CAST: variants seen among roughly 807,000 people sequenced by gnomAD.
CAST encodes calpastatin, also known as MIR583 host.
Under a neutral mutation model 119.6 loss-of-function variants are expected in CAST, and 76 were observed. That is an observed-to-expected ratio of 0.64 (90% CI 0.53 to 0.77). The LOEUF is 0.77. Ranked by LOEUF, CAST falls within the 30% of genes least tolerant of loss-of-function variation. The pLI, the probability that CAST is intolerant of heterozygous loss-of-function variation, is 0.00. For missense variants in CAST, 953 were observed against 946.5 expected (o/e 1.01, Z -0.09); for synonymous variants, 319 against 331.6 (o/e 0.96, Z 0.41).
the CAST span, among the ~76,000 whole-genome samples, chr5:96,252,278 A>T: frequency 6.6e-6 from 1 of 152,150 alleles, no homozygotes; most frequent in Non-Finnish European, 1.5e-5. Context: ...TAGTCATTAC[A>T]CTATGTTTTC....
the CAST span, among the ~76,000 whole-genome samples, chr5:96,236,585 T>C: frequency 6.6e-6 from 1 of 152,200 alleles, no homozygotes; most frequent in Non-Finnish European, 1.5e-5. Flanking sequence ...AAGGAATGAA[T>C]GAAAGACTAT....
chr5:96,354,961 A>G, the CAST span, among the ~76,000 whole-genome samples: 4 of 152,024 alleles, frequency 2.6e-5, no homozygotes, highest in East Asian at 3.8e-4. Context: ...TGGTCAGTAC[A>G]GATTTCAAAA....
chr5:96,667,475 A>T (rs73774360), intron 1 of CAST, among the ~76,000 whole-genome samples: 3,541 of 152,270 alleles, frequency 0.023, 142 homozygotes, highest in African/African-American at 0.081. Flanking sequence ...ACTTAAGAAA[A>T]ACTCATCCAG....
At chr5:96,718,970 T>A (rs564948194) in intron 3 of CAST, among the ~76,000 whole-genome samples, 1 of 152,180 alleles carries the variant, frequency 6.6e-6, no homozygotes, top group East Asian at 1.9e-4. Context: ...GCTGAATGGC[T>A]GGAGGGGAGG....
chr5:96,667,729 T>C (rs1370163705), intron 1 of CAST, among the ~76,000 whole-genome samples: 1 of 11,630 alleles, frequency 8.6e-5, no homozygotes, highest in African/African-American at 3.9e-4. Flanking sequence ...AAGAGTATAA[T>C]GAGGCTGGGT....
At chr5:96,499,912 C>T in the CAST span, among the ~76,000 whole-genome samples, 1 of 152,148 alleles carries the variant, frequency 6.6e-6, no homozygotes, top group African/African-American at 2.4e-5. Flanking sequence ...GTGAGTCTTC[C>T]TTTCACTTGA....
chr5:96,164,907 C>T, the CAST span, among the ~76,000 whole-genome samples: 1 of 151,832 alleles, frequency 6.6e-6, no homozygotes, highest in Non-Finnish European at 1.5e-5. Flanking sequence ...TCGTGCAGAG[C>T]CTGGCATGGG....
chr5:96,628,719 T>C (rs1471310915), intron 1 of CAST, among the ~76,000 whole-genome samples: 1 of 152,220 alleles, frequency 6.6e-6, no homozygotes, highest in Admixed American at 6.5e-5. Context: ...GTCACAGATA[T>C]GTGGCTTTTG....
the CAST span, among the ~76,000 whole-genome samples, chr5:96,271,829 G>A: frequency 1.3e-5 from 2 of 152,148 alleles, no homozygotes; most frequent in African/African-American, 2.4e-5. Flanking sequence ...ACACCTCACA[G>A]AATGGGAGAA....
chr5:96,155,340 G>A, the CAST span, among the ~76,000 whole-genome samples: 1 of 152,118 alleles, frequency 6.6e-6, no homozygotes, highest in South Asian at 2.1e-4. Context: ...CATCATGCAT[G>A]GCTTGGCCAG....
chr5:96,489,206 T>C, the CAST span, among the ~76,000 whole-genome samples: 1 of 118,170 alleles, frequency 8.5e-6, no homozygotes, highest in Admixed American at 8.9e-5. Flanking sequence ...TTTTTTGACG[T>C]GTAGATTTAG....
the CAST span, among the ~76,000 whole-genome samples, chr5:96,151,252 G>A: frequency 6.6e-6 from 1 of 152,166 alleles, no homozygotes; most frequent in Admixed American, 6.5e-5. Flanking sequence ...AGGAAGGAGA[G>A]GATCAATTGC....
intron 1 of CAST, among the ~76,000 whole-genome samples, chr5:96,540,484 C>T (rs946040852): frequency 1.3e-5 from 2 of 152,008 alleles, no homozygotes; most frequent in Non-Finnish European, 2.9e-5. Context: ...AAAAAATAAG[C>T]AAATAGTACA....
At chr5:96,256,803 T>C in the CAST span, among the ~76,000 whole-genome samples, 2 of 152,158 alleles carry the variant, frequency 1.3e-5, no homozygotes, top group African/African-American at 4.8e-5. Flanking sequence ...ATTATTTTCC[T>C]GTTATTATTT....
intron 1 of CAST, among the ~76,000 whole-genome samples, chr5:96,622,778 A>T (rs906826842): frequency 6.7e-6 from 1 of 150,160 alleles, no homozygotes; most frequent in Non-Finnish European, 1.5e-5. Context: ...TTTTCTTAAG[A>T]TTCTATTTAC....
intron 1 of CAST, among the ~76,000 whole-genome samples, chr5:96,619,555 T>G (rs879574536): frequency 5.9e-5 from 9 of 152,228 alleles, no homozygotes; most frequent in Admixed American, 6.5e-5. Context: ...GTTCTTTTGC[T>G]TTTTGCAATA....
At chr5:96,546,616 C>T (rs1282481154) in intron 1 of CAST, 3 of 151,942 alleles carry the variant, frequency 2.0e-5, no homozygotes, top group Non-Finnish European at 2.9e-5. Flanking sequence ...TTAATGCCTG[C>T]CAGAAGATCC....
At chr5:96,048,578 T>A in the CAST span, among the ~76,000 whole-genome samples, 139 of 152,266 alleles carry the variant, frequency 9.1e-4, no homozygotes, top group African/African-American at 3.2e-3. Context: ...GGGCTGTGGG[T>A]AGGAATTACT....
chr5:96,771,078 A>G (rs113960935), intron 30 of CAST, among the ~76,000 whole-genome samples: 7 of 152,314 alleles, frequency 4.6e-5, no homozygotes, highest in African/African-American at 1.2e-4. Flanking sequence ...TTTAAAGACA[A>G]TAGTCCAGTT....
Sources: allele counts gnomAD v4.1 joint callset (sites outside exome capture counted in the v4.1 genomes callset), GRCh38; gene constraint gnomAD v4.1.1; transcripts MANE v1.5; gene names NCBI Gene and HGNC (gene_info 2026-07-23, HGNC 2026-07-21).